Variants in TMEM263 observed in about 807,000 individuals in gnomAD.
TMEM263 encodes the protein UPF0444 transmembrane protein C12orf23.
Under a neutral mutation model 8.6 loss-of-function variants are expected in TMEM263, and 5 were observed. The observed-to-expected ratio is 0.58, with a 90% CI of 0.31 to 1.23. TMEM263 has a LOEUF of 1.23. Among genes scored for constraint, TMEM263 ranks in the 50% most tolerant of loss-of-function variants. The probability of loss-of-function intolerance (pLI) is 0.07; values close to 1 mark genes in which losing one functional copy is unlikely to be tolerated. For missense variants in TMEM263, 104 were observed against 138.8 expected (o/e 0.75, Z 1.26); for synonymous variants, 50 against 47.9 (o/e 1.04, Z -0.18).
In TMEM263 at chr12:106,971,944, T is replaced by C. The variant is rs1265148787; in HGVS notation, c.*553T>C. The C allele has an allele frequency of 6.5e-6, 1 of 152,724 alleles. No individual in the cohort carries two copies. Among genetic ancestry groups the C allele is most frequent in the Non-Finnish European group, 1.5e-5 (1 of 68,084 alleles). The allele number at this position is 152,724 out of a possible 1,614,324, so 9.5% of individuals were successfully genotyped here. On this transcript the variant is annotated 3_prime_UTR_variant, in exon 4 of 4. Transcript: ENST00000280756. ...AATGGTTTTATGATAATGTTAACCA[T>C]CTTTTGTTAGTAAATATGCGTTCTA...
chr12:106,956,876 C>T (rs1951700397), intron 1 of TMEM263: 2 of 158,782 alleles, frequency 1.3e-5, no homozygotes, highest in Non-Finnish European at 2.7e-5. Flanking sequence ...CCTCCTGCCA[C>T]GTCACTCACT....
rs1459223802 is a variant in TMEM263, at chr12:106,957,161, C to T, written c.-7+12C>T. ...TACAACACCAACAGGTAAACGCGCG[C>T]GCCCGTGTGTGTGTGTGTGTGTGTG... On this transcript the variant is annotated intron_variant, in intron 2 of 3. Coordinates refer to ENST00000280756, the MANE Select transcript of TMEM263 (RefSeq NM_152261.4). 1 of 977,152 alleles carries T rather than the reference C, an allele frequency of 1.0e-6. No individual in the cohort carries two copies. Among genetic ancestry groups the T allele is most frequent in the East Asian group, 1.2e-4 (1 of 8,590 alleles). The allele number at this position is 977,152 out of a possible 1,614,324, so 60.5% of individuals were successfully genotyped here. A position where few individuals can be genotyped will look rare whatever the true frequency, so the allele number is the denominator to read the frequency against.
At chr12:106,967,245 A>AT in intron 3 of TMEM263, 65 bp downstream of exon 3, 2 of 1,044,378 alleles carry the variant, frequency 1.9e-6, no homozygotes, top group Non-Finnish European at 2.8e-6. Flanking sequence ...GATAGTTTTT[A>AT]TTTTTTACTT....
intron 2 of TMEM263, among the ~76,000 whole-genome samples, chr12:106,963,562 C>G (rs1566223251): frequency 6.6e-6 from 1 of 152,290 alleles, no homozygotes; most frequent in East Asian, 1.9e-4. Flanking sequence ...TCTTACTGGA[C>G]TACTAAAGTA....
At chr12:106,968,562 T>A (rs1267301282) in intron 3 of TMEM263, among the ~76,000 whole-genome samples, 1 of 152,066 alleles carries the variant, frequency 6.6e-6, no homozygotes, top group East Asian at 1.9e-4. Context: ...AGAAAAGGGA[T>A]AAATAAAGGC....
rs1299146137 is a variant in TMEM263, at chr12:106,956,051, G to T, written c.-89G>T. ...CCGCCCGGCCCCAGCCCTAGCGCTG[G>T]CCGCGACCCCGGCGGTGAGTGAGTC... On this transcript the variant is annotated 5_prime_UTR_variant, in exon 1 of 4. Transcript: ENST00000280756. The T allele has an allele frequency of 1.0e-6, 1 of 985,482 alleles. No homozygotes were observed. The highest frequency in any genetic ancestry group is 1.2e-6 in the Non-Finnish European group (1 of 829,974). 61.0% of individuals were successfully genotyped at this position (985,482 alleles called of 1,614,324 possible). A position where few individuals can be genotyped will look rare whatever the true frequency, so the allele number is the denominator to read the frequency against.
chr12:106,961,736 C>T lies in TMEM263; in HGVS notation c.-7+4587C>T, dbSNP rs181167006. On this transcript the variant is annotated intron_variant, in intron 2 of 3. Coordinates refer to ENST00000280756, the MANE Select transcript of TMEM263 (RefSeq NM_152261.4). The stretch of plus-strand genomic sequence containing the variant: ...TGAAGAAATTTCTTATGTGGAGTTC[C>T]GTATCAGAGCTATTAAGTGTTGTAG... Among the ~76,000 whole-genome samples the T allele has an allele frequency of 2.0e-3, 300 of 152,248 alleles. 3 individuals carry two copies. The highest frequency in any genetic ancestry group is 6.8e-3 in the African/African-American group (281 of 41,540).
At chr12:106,964,006 C>T (rs1009617199) in intron 2 of TMEM263, among the ~76,000 whole-genome samples, 1 of 152,104 alleles carries the variant, frequency 6.6e-6, no homozygotes, top group Non-Finnish European at 1.5e-5. Flanking sequence ...ATGGTACCTT[C>T]TGTTGATTGC....
intron 2 of TMEM263, among the ~76,000 whole-genome samples, chr12:106,960,576 A>T (rs1369740191): frequency 6.6e-6 from 1 of 152,132 alleles, no homozygotes; most frequent in East Asian, 1.9e-4. Context: ...CTCTACAGAA[A>T]TACTCCTAAT....
chr12:106,957,523 T>C (rs1224499822), intron 2 of TMEM263, among the ~76,000 whole-genome samples: 1 of 152,178 alleles, frequency 6.6e-6, no homozygotes, highest in Non-Finnish European at 1.5e-5. Context: ...GCTCTTTTTC[T>C]ATTTCCGGAA....
chr12:106,956,261 GC>G (rs1293013712), intron 1 of TMEM263, among the ~76,000 whole-genome samples, 196 bp downstream of exon 1: 2 of 152,158 alleles, frequency 1.3e-5, no homozygotes, highest in East Asian at 3.9e-4. Context: ...CGCTTCTGGG[GC>G]TACTCCTCCT....
chr12:106,971,049 T>C (rs1951912881), intron 3 of TMEM263, 56 bp from the exon 4 acceptor site: 2 of 1,573,992 alleles, frequency 1.3e-6, no homozygotes, highest in Admixed American at 1.7e-5. Flanking sequence ...TGTGTACTGC[T>C]CTTTTAAAGA....
chr12:106,969,707 CAG>C (rs1257989215), intron 3 of TMEM263, among the ~76,000 whole-genome samples: 3 of 138,832 alleles, frequency 2.2e-5, no homozygotes, highest in African/African-American at 5.4e-5. Flanking sequence ...GCCTGGGTGA[CAG>C]AGCAAGACTC....
chr12:106,968,073 T>C (rs1183103773), intron 3 of TMEM263, among the ~76,000 whole-genome samples: 1 of 152,208 alleles, frequency 6.6e-6, no homozygotes, highest in African/African-American at 2.4e-5. Context: ...GGCATGTTTT[T>C]GGTATAGACT....
In TMEM263 at chr12:106,962,608, C is replaced by T. The variant is rs141574334; in HGVS notation, c.-6-4503C>T. On this transcript the variant is annotated intron_variant, in intron 2 of 3. Transcript: ENST00000280756. ...CAGAGCTTCAGCTATCACTTCAAAC[C>T]GCTCTTAGAACCTCAACTCTAACTC... 5.6e-3 allele frequency among the ~76,000 whole-genome samples: 855 copies of T among 152,296 alleles called. 5 individuals carry two copies. The highest frequency in any genetic ancestry group is 9.3e-3 in the Non-Finnish European group (631 of 68,034).
At position 106,955,989 on chromosome 12, in the gene TMEM263, G is replaced by C; in HGVS notation, c.-151G>C. The C allele has an allele frequency of 1.0e-6, 1 of 986,558 alleles. No individual in the cohort carries two copies. Among genetic ancestry groups the C allele is most frequent in the Non-Finnish European group, 1.2e-6 (1 of 830,950 alleles). 61.1% of individuals were successfully genotyped at this position (986,558 alleles called of 1,614,324 possible). Reference sequence around the variant, plus strand: ...TTGTGCCGGCCGCCGCTGCCGCCCAGGCCGCCTCAGCTCTCCTCTGCGCCG... The same window carrying C: ...TTGTGCCGGCCGCCGCTGCCGCCCACGCCGCCTCAGCTCTCCTCTGCGCCG... On this transcript the variant is annotated 5_prime_UTR_variant, in exon 1 of 4. Coordinates refer to ENST00000280756, the MANE Select transcript of TMEM263 (RefSeq NM_152261.4).
At chr12:106,970,241 A>G (rs940955560) in intron 3 of TMEM263, among the ~76,000 whole-genome samples, 1 of 152,180 alleles carries the variant, frequency 6.6e-6, no homozygotes, top group Non-Finnish European at 1.5e-5. Context: ...ATGCCTTTAC[A>G]ATGTCAAAAA....
At chr12:106,956,536 G>A (rs1423290811) in intron 1 of TMEM263, among the ~76,000 whole-genome samples, 5 of 152,162 alleles carry the variant, frequency 3.3e-5, no homozygotes, top group Non-Finnish European at 5.9e-5. Flanking sequence ...CTCTTCCTGG[G>A]TAGGAAGGCT....
At chr12:106,956,267 C>T (rs1009622671) in intron 1 of TMEM263, among the ~76,000 whole-genome samples, 3 of 152,154 alleles carry the variant, frequency 2.0e-5, no homozygotes, top group Non-Finnish European at 4.4e-5. Flanking sequence ...TGGGGCTACT[C>T]CTCCTTATAC....
Sources: allele counts gnomAD v4.1 joint callset (sites outside exome capture counted in the v4.1 genomes callset), GRCh38; gene constraint gnomAD v4.1.1; transcripts MANE v1.5; gene names NCBI Gene and HGNC (gene_info 2026-07-23, HGNC 2026-07-21).